Variants in AP1S3 observed in about 807,000 individuals in gnomAD.
AP1S3 encodes AP-1 complex subunit sigma-3.
Under a neutral mutation model 20.9 loss-of-function variants are expected in AP1S3, and 10 were observed. That is an observed-to-expected ratio of 0.48 (90% CI 0.29 to 0.81). The LOEUF (loss-of-function observed/expected upper bound fraction) is 0.81. Among genes scored for constraint, AP1S3 ranks in the 30% least tolerant of loss-of-function variants. AP1S3 has a pLI of 0.08. For missense variants in AP1S3, 154 were observed against 183.8 expected (o/e 0.84, Z 0.94); for synonymous variants, 41 against 61.5 (o/e 0.67, Z 1.56).
chr2:223,816,853 T>G (rs912368655), intron 1 of AP1S3, among the ~76,000 whole-genome samples: 4 of 152,182 alleles, frequency 2.6e-5, no homozygotes, highest in African/African-American at 4.8e-5. Context: ...CCAGTCTAGG[T>G]GCAGTGGCTC....
In AP1S3 at chr2:223,757,064, A is replaced by C; in HGVS notation, c.*1651T>G. 2.2e-6 allele frequency: 2 copies of C among 904,296 alleles called. No homozygotes were observed. The highest frequency in any genetic ancestry group is 2.6e-6 in the Non-Finnish European group (2 of 759,734). 56.0% of individuals were successfully genotyped at this position (904,296 alleles called of 1,614,324 possible). On this transcript the variant is annotated 3_prime_UTR_variant, in exon 5 of 5. Transcript: ENST00000396654. ...GAGTGCACTGGTATGACCTTGGCTC[A>C]CTGCAACCTCTGCCTCCTGGGTTCA...
intron 1 of AP1S3, among the ~76,000 whole-genome samples, chr2:223,790,413 T>G (rs1691188996): frequency 6.6e-6 from 1 of 152,070 alleles, no homozygotes; most frequent in Non-Finnish European, 1.5e-5. Flanking sequence ...TTTTGTATTT[T>G]TAGCAGAGAT....
intron 1 of AP1S3, among the ~76,000 whole-genome samples, chr2:223,824,784 C>G (rs1308116754): frequency 6.6e-6 from 1 of 152,198 alleles, no homozygotes; most frequent in Admixed American, 6.5e-5. Flanking sequence ...ATCCACCCGT[C>G]ACGGCCTCCC....
chr2:223,816,262 T>C (rs1159361072), intron 1 of AP1S3, among the ~76,000 whole-genome samples: 2 of 152,084 alleles, frequency 1.3e-5, no homozygotes, highest in African/African-American at 4.8e-5. Flanking sequence ...AAAAGAGGAA[T>C]GCAATATAAT....
Position 223,769,736 on chromosome 2 carries a change from ATTTTTTTT to A in AP1S3, c.292-4394_292-4387del, listed in dbSNP as rs61207667. On this transcript the variant is annotated intron_variant, in intron 3 of 4. Coordinates refer to ENST00000396654, the MANE Select transcript of AP1S3 (RefSeq NM_001039569.2). Reference sequence around the variant, plus strand: ...AGAATAATATGCAGAATGCAATCCCATTTTTTTTTTTTTTTTTTTTTTTTTTTGAGACG... The same window carrying A: ...AGAATAATATGCAGAATGCAATCCCATTTTTTTTTTTTTTTTTTTGAGACG... Among the ~76,000 whole-genome samples the A allele has an allele frequency of 3.0e-4, 24 of 80,148 alleles. No individual in the cohort carries two copies. The Admixed American group carries it at 4.0e-3, about 13-fold the overall frequency. The allele number at this position is 80,148 out of a possible 152,430, so 52.6% of individuals were successfully genotyped here.
chr2:223,756,456 A>G lies in AP1S3; in HGVS notation c.*2259T>C. On this transcript the variant is annotated 3_prime_UTR_variant, in exon 5 of 5. Transcript: ENST00000396654. ...GGAAGGAAGAAAGGAAGGAAAAGAA[A>G]GAAAGAAAGAAAAGAAAGAAAGAAA... 1 of 839,924 alleles carries G rather than the reference A, an allele frequency of 1.2e-6. No individual in the cohort carries two copies. The highest frequency in any genetic ancestry group is 5.2e-5 in the South Asian group (1 of 19,268). 52.0% of individuals were successfully genotyped at this position (839,924 alleles called of 1,614,324 possible). A position where few individuals can be genotyped will look rare whatever the true frequency, so the allele number is the denominator to read the frequency against.
At chr2:223,762,572 C>T (rs761957025) in intron 4 of AP1S3, among the ~76,000 whole-genome samples, 1 of 152,168 alleles carries the variant, frequency 6.6e-6, no homozygotes, top group African/African-American at 2.4e-5. Context: ...CACGCCCAGA[C>T]AGAGGGTTTA....
intron 1 of AP1S3, among the ~76,000 whole-genome samples, chr2:223,805,941 G>GGTTTCT: frequency 6.6e-6 from 1 of 152,168 alleles, no homozygotes; most frequent in Non-Finnish European, 1.5e-5. Flanking sequence ...AACTGCAGAA[G>GGTTTCT]CAAAAATGTC....
intron 1 of AP1S3, among the ~76,000 whole-genome samples, chr2:223,786,580 C>T (rs891308030): frequency 4.8e-4 from 72 of 150,674 alleles, no homozygotes; most frequent in Admixed American, 1.7e-3. Flanking sequence ...ATAGTGAGAC[C>T]GTGTGTCTCT....
At chr2:223,821,613 C>T (rs1220663605) in intron 1 of AP1S3, among the ~76,000 whole-genome samples, 1 of 152,170 alleles carries the variant, frequency 6.6e-6, no homozygotes. Context: ...ACAGAGATTT[C>T]GTGAGCAATG....
chr2:223,811,455 G>C (rs1466765527), intron 1 of AP1S3, among the ~76,000 whole-genome samples: 4 of 151,268 alleles, frequency 2.6e-5, no homozygotes, highest in East Asian at 2.0e-4. Context: ...TGTCATCCCA[G>C]CTACTCAGGA....
At chr2:223,835,239 A>G (rs1377014793) in intron 1 of AP1S3, among the ~76,000 whole-genome samples, 3 of 152,254 alleles carry the variant, frequency 2.0e-5, no homozygotes, top group Non-Finnish European at 4.4e-5. Context: ...AGAATAGCTC[A>G]GAGTAGCTAA....
intron 1 of AP1S3, among the ~76,000 whole-genome samples, chr2:223,806,006 G>T (rs752025198): frequency 6.6e-6 from 1 of 152,038 alleles, no homozygotes; most frequent in African/African-American, 2.4e-5. Context: ...AAGAGAAAGA[G>T]AACTAAAAAG....
intron 3 of AP1S3, among the ~76,000 whole-genome samples, chr2:223,772,021 C>T (rs973246878): frequency 6.6e-5 from 10 of 152,162 alleles, no homozygotes; most frequent in African/African-American, 2.4e-4. Flanking sequence ...GTAGGAGAAT[C>T]GCTTGAACCC....
chr2:223,765,035 A>T, intron 4 of AP1S3, 178 bp downstream of exon 4: 1 of 863,964 alleles, frequency 1.2e-6, no homozygotes, highest in Non-Finnish European at 1.6e-6. Context: ...GGGAGTAACA[A>T]TACCACCTAC....
intron 1 of AP1S3, among the ~76,000 whole-genome samples, chr2:223,784,946 T>C (rs1691039694): frequency 6.6e-6 from 1 of 152,202 alleles, no homozygotes; most frequent in African/African-American, 2.4e-5. Flanking sequence ...TATATTAGCA[T>C]ACAAAAACAA....
At chr2:223,760,914 A>G (rs1022387963) in intron 4 of AP1S3, among the ~76,000 whole-genome samples, 1 of 152,152 alleles carries the variant, frequency 6.6e-6, no homozygotes, top group African/African-American at 2.4e-5. Context: ...AGATGAGAGC[A>G]TTGCTAGGCC....
At chr2:223,793,389 G>T (rs1691253500) in intron 1 of AP1S3, among the ~76,000 whole-genome samples, 1 of 152,206 alleles carries the variant, frequency 6.6e-6, no homozygotes, top group African/African-American at 2.4e-5. Context: ...ATACTATGCA[G>T]CCATAAAAAG....
chr2:223,757,785 CTAAG>C lies in AP1S3; in HGVS notation c.*926_*929del. The C allele has an allele frequency of 1.0e-6, 1 of 985,312 alleles. No homozygotes were observed. Among genetic ancestry groups the C allele is most frequent in the African/African-American group, 1.7e-5 (1 of 57,316 alleles). 61.0% of individuals were successfully genotyped at this position (985,312 alleles called of 1,614,324 possible). The stretch of plus-strand genomic sequence containing the variant: ...ATAGGCTGTGATAATCTTAAATGCT[CTAAG>C]TAAGCCATGTAATAAGTCTTCAAAT... On this transcript the variant is annotated 3_prime_UTR_variant, in exon 5 of 5. Transcript: ENST00000396654.
Sources: allele counts gnomAD v4.1 joint callset (sites outside exome capture counted in the v4.1 genomes callset), GRCh38; gene constraint gnomAD v4.1.1; transcripts MANE v1.5; gene names NCBI Gene and HGNC (gene_info 2026-07-23, HGNC 2026-07-21).